The following DLGAP2 variants were observed in gnomAD, a reference collection of about 807,000 sequenced individuals.
DLGAP2 encodes disks large-associated protein 2.
Under a neutral mutation model 100.3 loss-of-function variants are expected in DLGAP2, and 26 were observed. That is an observed-to-expected ratio of 0.26 (90% CI 0.19 to 0.36). The LOEUF (loss-of-function observed/expected upper bound fraction) is 0.36. DLGAP2 is among the 10% of genes least tolerant of loss of function. The pLI is 1.00. For missense variants in DLGAP2, 1,858 were observed against 1,453.2 expected, an observed-to-expected ratio of 1.28 and a Z score of -4.53; for synonymous variants, 886 against 630.1, an observed-to-expected ratio of 1.41 and a Z score of -6.08.
chr8:1,138,508 A>G (rs1034044859), intron 2 of DLGAP2, among the ~76,000 whole-genome samples: 30 of 152,188 alleles, frequency 2.0e-4, no homozygotes, highest in African/African-American at 7.2e-4. Context: ...AATGCTTTGA[A>G]TAGAGCAGGC....
intron 1 of DLGAP2, among the ~76,000 whole-genome samples, chr8:783,547 C>T (rs980505854): frequency 6.6e-6 from 1 of 152,188 alleles, no homozygotes; most frequent in African/African-American, 2.4e-5. Context: ...GCTCACCGTT[C>T]AGTGGCACAT....
At chr8:1,434,321 C>T (rs975683678) in intron 3 of DLGAP2, among the ~76,000 whole-genome samples, 2 of 152,110 alleles carry the variant, frequency 1.3e-5, no homozygotes, top group Middle Eastern at 3.2e-3. Context: ...TGACAGGAGA[C>T]ACCAGGTGGA....
chr8:1,199,944 C>G (rs368352022), intron 2 of DLGAP2, among the ~76,000 whole-genome samples: 2 of 151,956 alleles, frequency 1.3e-5, no homozygotes, highest in Admixed American at 6.6e-5. Flanking sequence ...GATTCCCCCC[C>G]ACAACCCCCC....
intron 1 of DLGAP2, among the ~76,000 whole-genome samples, chr8:766,140 C>A (rs1821210429): frequency 6.6e-6 from 1 of 152,174 alleles, no homozygotes; most frequent in African/African-American, 2.4e-5. Flanking sequence ...ACACTCCAGC[C>A]TGAGTGACAG....
chr8:829,101 A>G (rs1424642632), intron 1 of DLGAP2, among the ~76,000 whole-genome samples: 2 of 152,202 alleles, frequency 1.3e-5, no homozygotes, highest in African/African-American at 4.8e-5. Context: ...TTATGAGGCT[A>G]AACCAGGAGA....
intron 6 of DLGAP2, among the ~76,000 whole-genome samples, chr8:1,614,213 A>G (rs890013779): frequency 1.3e-5 from 2 of 151,810 alleles, no homozygotes; most frequent in South Asian, 4.2e-4. Context: ...GGAGAAATCA[A>G]CTCTTCACAG....
chr8:990,248 G>C (rs997643563), intron 2 of DLGAP2, among the ~76,000 whole-genome samples: 1 of 152,030 alleles, frequency 6.6e-6, no homozygotes, highest in Non-Finnish European at 1.5e-5. Flanking sequence ...TTGCCATGTG[G>C]GTGCCCAAGT....
intron 3 of DLGAP2, among the ~76,000 whole-genome samples, chr8:1,496,441 C>T (rs1799548902): frequency 1.3e-5 from 2 of 152,142 alleles, no homozygotes; most frequent in African/African-American, 4.8e-5. Context: ...GCCACCTGGG[C>T]CCGGGCCTCT....
intron 6 of DLGAP2, among the ~76,000 whole-genome samples, chr8:1,595,838 G>A (rs1356353143): frequency 6.6e-6 from 1 of 151,496 alleles, no homozygotes; most frequent in African/African-American, 2.4e-5. Flanking sequence ...AAATTGAAAT[G>A]TATTTTATTC....
At chr8:1,582,704 C>G (rs892127468) in intron 6 of DLGAP2, among the ~76,000 whole-genome samples, 8 of 152,180 alleles carry the variant, frequency 5.3e-5, no homozygotes, top group Admixed American at 3.9e-4. Flanking sequence ...ATTCTCCTGC[C>G]TCAGCCTCCC....
chr8:1,196,426 G>A (rs1468837419), intron 2 of DLGAP2, among the ~76,000 whole-genome samples: 1 of 152,192 alleles, frequency 6.6e-6, no homozygotes, highest in African/African-American at 2.4e-5. Flanking sequence ...TGATGTTAAT[G>A]CTGAGTGAGT....
chr8:1,075,474 A>G (rs2129038207), intron 2 of DLGAP2, among the ~76,000 whole-genome samples: 1 of 152,018 alleles, frequency 6.6e-6, no homozygotes. Flanking sequence ...TTCCAGTCAC[A>G]TTTTTCCCTC....
intron 3 of DLGAP2, among the ~76,000 whole-genome samples, chr8:1,264,854 T>C (rs1024405387): frequency 1.3e-5 from 2 of 152,104 alleles, no homozygotes; most frequent in African/African-American, 4.8e-5. Flanking sequence ...AATTGAATCA[T>C]GAGGGTGAGT....
intron 3 of DLGAP2, among the ~76,000 whole-genome samples, chr8:1,478,679 T>C (rs982771515): frequency 5.9e-5 from 9 of 151,294 alleles, no homozygotes; most frequent in African/African-American, 2.2e-4. Context: ...CCCAGGGCAA[T>C]GGTCAAACCA....
intron 2 of DLGAP2, among the ~76,000 whole-genome samples, chr8:980,823 G>T (rs1404414448): frequency 6.6e-6 from 1 of 152,156 alleles, no homozygotes; most frequent in Non-Finnish European, 1.5e-5. Flanking sequence ...ATGGGAGAGG[G>T]AGGGATAGGA....
At chr8:852,596 C>T (rs1375736837) in intron 1 of DLGAP2, among the ~76,000 whole-genome samples, 1 of 152,188 alleles carries the variant, frequency 6.6e-6, no homozygotes, top group African/African-American at 2.4e-5. Context: ...CTCTCAGCCT[C>T]GTGGGCTTTT....
In DLGAP2 at chr8:905,186, C is replaced by T. The variant is rs376561428; in HGVS notation, c.19-2726C>T. 3.3e-5 allele frequency among the ~76,000 whole-genome samples: 5 copies of T among 152,230 alleles called. No individual in the cohort carries two copies. The South Asian group carries it at 1.0e-3, about 32-fold the overall frequency. On this transcript the variant is annotated intron_variant, in intron 1 of 14. Transcript: ENST00000637795. The stretch of plus-strand genomic sequence containing the variant: ...AGTATAAAGAGCTACCTGGCGGGTT[C>T]AAGGAAAGCTCTGTGGGAGCCGCAG...
intron 2 of DLGAP2, among the ~76,000 whole-genome samples, chr8:1,100,225 C>G (rs995745327): frequency 1.4e-5 from 2 of 145,466 alleles, no homozygotes; most frequent in African/African-American, 2.6e-5. Context: ...GTAGGGAAAA[C>G]CTTTGTCCAG....
intron 1 of DLGAP2, among the ~76,000 whole-genome samples, chr8:840,990 A>C (rs1796973846): frequency 6.6e-6 from 1 of 152,218 alleles, no homozygotes; most frequent in Admixed American, 6.5e-5. Context: ...TGATGTCAGA[A>C]AGTATTGACT....
Sources: allele counts gnomAD v4.1 joint callset (sites outside exome capture counted in the v4.1 genomes callset), GRCh38; gene constraint gnomAD v4.1.1; transcripts MANE v1.5; gene names NCBI Gene and HGNC (gene_info 2026-07-23, HGNC 2026-07-21).